The following GRID2 variants were observed in gnomAD, a reference collection of about 807,000 sequenced individuals.
GRID2 encodes glutamate ionotropic receptor delta type subunit 2.
In GRID2, 33 loss-of-function variants were observed where a neutral mutation model predicts 114.8. That is an observed-to-expected ratio of 0.29 (90% CI 0.22 to 0.38). GRID2 has a LOEUF of 0.38. Ranked by LOEUF, GRID2 falls within the 10% of genes least tolerant of loss-of-function variation. GRID2 has a pLI of 1.00. For synonymous variants in GRID2, 505 were observed against 449.9 expected (o/e 1.12, Z -1.55); for missense variants, 1,184 against 1,257.7 (o/e 0.94, Z 0.89).
At chr4:92,530,185 C>G (rs561934761) in intron 1 of GRID2, among the ~76,000 whole-genome samples, 12 of 151,740 alleles carry the variant, frequency 7.9e-5, no homozygotes, top group Non-Finnish European at 1.3e-4. Flanking sequence ...TAGAAAATCA[C>G]CATTTTCAAA....
chr4:92,828,832 A>C (rs1181441833), intron 2 of GRID2, among the ~76,000 whole-genome samples: 2 of 152,134 alleles, frequency 1.3e-5, no homozygotes, highest in Non-Finnish European at 2.9e-5. Context: ...GTGTCTGTAC[A>C]TATTCTTCAC....
intron 1 of GRID2, among the ~76,000 whole-genome samples, chr4:92,412,671 A>G (rs1255337126): frequency 1.3e-5 from 2 of 152,192 alleles, no homozygotes; most frequent in Admixed American, 6.5e-5. Context: ...TAATAAAAAT[A>G]ACTATTCATC....
At chr4:92,522,232 T>G (rs1242713599) in intron 1 of GRID2, among the ~76,000 whole-genome samples, 1 of 151,802 alleles carries the variant, frequency 6.6e-6, no homozygotes, top group Non-Finnish European at 1.5e-5. Flanking sequence ...AGAACACATA[T>G]TCTAAGGTTA....
intron 13 of GRID2, among the ~76,000 whole-genome samples, chr4:93,544,353 G>C (rs1732983234): frequency 6.6e-6 from 1 of 151,994 alleles, no homozygotes; most frequent in Non-Finnish European, 1.5e-5. Context: ...GATATGTCCT[G>C]ATCCACCACA....
intron 7 of GRID2, among the ~76,000 whole-genome samples, chr4:93,225,287 G>C (rs564479626): frequency 2.6e-4 from 39 of 152,222 alleles, no homozygotes; most frequent in African/African-American, 9.4e-4. Flanking sequence ...CCTCTTCACT[G>C]TCCATGTGTT....
chr4:92,986,820 A>C (rs1754535587), intron 2 of GRID2, among the ~76,000 whole-genome samples: 1 of 152,138 alleles, frequency 6.6e-6, no homozygotes, highest in Non-Finnish European at 1.5e-5. Flanking sequence ...AGATAACGTA[A>C]AGATAAATAA....
intron 1 of GRID2, among the ~76,000 whole-genome samples, chr4:93,793,025 A>T (rs147977953): frequency 1.9e-4 from 29 of 152,300 alleles, no homozygotes; most frequent in African/African-American, 6.0e-4. Context: ...TATCTTTTTA[A>T]CCTATTTTTC....
chr4:92,763,690 C>T (rs1291538743), intron 2 of GRID2, among the ~76,000 whole-genome samples: 1 of 152,074 alleles, frequency 6.6e-6, no homozygotes, highest in East Asian at 1.9e-4. Context: ...GCACTTTATG[C>T]TTTAAATGAG....
chr4:93,601,833 A>G lies in GRID2; in HGVS notation c.2194-24436A>G, dbSNP rs1409581123. Among the ~76,000 whole-genome samples, 65 of 152,148 alleles carry G rather than the reference A, an allele frequency of 4.3e-4. 1 individual carries two copies. Among genetic ancestry groups the G allele is most frequent in the Admixed American group, 4.2e-3 (64 of 15,268 alleles). Reference sequence around the variant, plus strand: ...TGAAAGACATTCTATCCTTATTTGGAGTAACCATGTTATTATGAATAACAC... The same window carrying G: ...TGAAAGACATTCTATCCTTATTTGGGGTAACCATGTTATTATGAATAACAC... On this transcript the variant is annotated intron_variant, in intron 13 of 15. Transcript: ENST00000282020.
At chr4:92,504,065 C>T (rs930127813) in intron 1 of GRID2, among the ~76,000 whole-genome samples, 1 of 151,926 alleles carries the variant, frequency 6.6e-6, no homozygotes, top group Non-Finnish European at 1.5e-5. Context: ...GTAAAGCAGA[C>T]CATAATTGAT....
chr4:93,074,674 A>G (rs1729102079), intron 2 of GRID2, among the ~76,000 whole-genome samples: 1 of 152,198 alleles, frequency 6.6e-6, no homozygotes, highest in Non-Finnish European at 1.5e-5. Flanking sequence ...AGAGAACAGA[A>G]GCAACAAAGA....
intron 10 of GRID2, among the ~76,000 whole-genome samples, chr4:93,434,825 G>A (rs1467790163): frequency 6.6e-6 from 1 of 152,010 alleles, no homozygotes; most frequent in African/African-American, 2.4e-5. Flanking sequence ...AATTCCCTTT[G>A]TGATCTCTTT....
chr4:93,772,297 C>A lies in GRID2; in HGVS notation c.2823C>A (p.Ser941Arg). ...TFIPEQIQTL[S>R]RTLSAKAASG... is the part of the protein sequence containing the mutation. ...TCCCAGAGCAGATCCAGACTCTTAGCCGCACACTGTCAGCTAAAGCTGCTT... is the reference window on the plus strand; with the variant it reads ...TCCCAGAGCAGATCCAGACTCTTAGACGCACACTGTCAGCTAAAGCTGCTT... Residue 941 changes from serine to arginine, a missense_variant, in exon 16 of 16, where the codon AGC becomes AGA. Coordinates refer to ENST00000282020, the MANE Select transcript of GRID2 (RefSeq NM_001510.4). The A allele has an allele frequency of 6.2e-7, 1 of 1,614,140 alleles. No homozygotes were observed. Among genetic ancestry groups the A allele is most frequent in the Non-Finnish European group, 8.5e-7 (1 of 1,179,990 alleles).
chr4:92,360,914 T>C (rs185383311), intron 1 of GRID2, among the ~76,000 whole-genome samples: 135 of 152,144 alleles, frequency 8.9e-4, no homozygotes, highest in Non-Finnish European at 1.1e-3. Context: ...GATATTTTTC[T>C]AGGTTAAATA....
intron 2 of GRID2, among the ~76,000 whole-genome samples, chr4:93,034,193 TAAC>T (rs757731108): frequency 3.9e-5 from 6 of 152,240 alleles, no homozygotes; most frequent in Non-Finnish European, 7.4e-5. Flanking sequence ...CAGTAACATT[TAAC>T]AACAAACCAC....
intron 1 of GRID2, among the ~76,000 whole-genome samples, chr4:92,568,309 A>G (rs1265901096): frequency 5.9e-5 from 9 of 152,042 alleles, no homozygotes; most frequent in Admixed American, 1.3e-4. Flanking sequence ...AGAAGACTCA[A>G]TAAGCCCTGG....
rs747511029 is a variant in GRID2, at chr4:93,772,316, G to C, written c.2842G>C (p.Ala948Pro). 2.5e-6 allele frequency: 4 copies of C among 1,614,014 alleles called. No homozygotes were observed. The African/African-American group carries it at 5.3e-5, about 22-fold the overall frequency. The change falls in exon 16 of 16, where the codon GCT becomes CCT. Residue 948 changes from alanine (A) to proline (P), a missense_variant. Ala to Pro is a conservative substitution (Grantham distance 27). Coordinates refer to ENST00000282020, the MANE Select transcript of GRID2 (RefSeq NM_001510.4). Reference protein sequence around the residue: ...QTLSRTLSAKAASGFTFGNVP... With the variant: ...QTLSRTLSAKPASGFTFGNVP... Reference sequence around the variant, plus strand: ...TCTTAGCCGCACACTGTCAGCTAAAGCTGCTTCTGGTTTCACTTTTGGCAA... The same window carrying C: ...TCTTAGCCGCACACTGTCAGCTAAACCTGCTTCTGGTTTCACTTTTGGCAA...
At chr4:93,078,982 C>CA (rs1158348955) in intron 2 of GRID2, among the ~76,000 whole-genome samples, 2 of 148,288 alleles carry the variant, frequency 1.3e-5, no homozygotes, top group Non-Finnish European at 3.0e-5. Flanking sequence ...TAGTAAATAT[C>CA]AAAAAATATG....
intron 13 of GRID2, among the ~76,000 whole-genome samples, chr4:93,551,317 T>C (rs1289722327): frequency 6.6e-6 from 1 of 152,058 alleles, no homozygotes; most frequent in Non-Finnish European, 1.5e-5. Context: ...AGGTTAGATA[T>C]GTAGGTGTAA....
Sources: allele counts gnomAD v4.1 joint callset (sites outside exome capture counted in the v4.1 genomes callset), GRCh38; gene constraint gnomAD v4.1.1; transcripts MANE v1.5; gene names NCBI Gene and HGNC (gene_info 2026-07-23, HGNC 2026-07-21).